DSCAML1: variants seen among roughly 807,000 people sequenced by gnomAD.
The protein encoded by DSCAML1 is cell adhesion molecule DSCAML1.
Under a neutral mutation model 200.5 loss-of-function variants are expected in DSCAML1, and 38 were observed. The observed-to-expected ratio is 0.19, with a 90% confidence interval of 0.15 to 0.25. The LOEUF is 0.25. DSCAML1 is among the 10% of genes least tolerant of loss of function. The pLI, the probability that DSCAML1 is intolerant of heterozygous loss-of-function variation, is 1.00. For missense variants in DSCAML1, 2,223 were observed against 2,858.8 expected, an observed-to-expected ratio of 0.78 and a Z score of 5.07; for synonymous variants, 1,215 against 1,165.0, an observed-to-expected ratio of 1.04 and a Z score of -0.87.
intron 3 of DSCAML1, among the ~76,000 whole-genome samples, chr11:117,656,216 C>T (rs1284844746): frequency 2.0e-5 from 3 of 152,162 alleles, no homozygotes; most frequent in Non-Finnish European, 4.4e-5. Flanking sequence ...CCAGCCTGGG[C>T]GACAGAGCAA....
intron 3 of DSCAML1, among the ~76,000 whole-genome samples, chr11:117,586,390 G>A (rs1349019776): frequency 6.6e-6 from 1 of 152,194 alleles, no homozygotes; most frequent in Non-Finnish European, 1.5e-5. Flanking sequence ...AGCCATCTTG[G>A]TGTAGGAGGA....
chr11:117,620,487 A>G (rs1191273373), intron 3 of DSCAML1, among the ~76,000 whole-genome samples: 3 of 152,182 alleles, frequency 2.0e-5, no homozygotes, highest in African/African-American at 7.2e-5. Flanking sequence ...TAGGAACGAC[A>G]CTGTGACTGA....
At chr11:117,789,657 C>T (rs1345785719) in intron 1 of DSCAML1, among the ~76,000 whole-genome samples, 2 of 152,116 alleles carry the variant, frequency 1.3e-5, no homozygotes, top group Non-Finnish European at 1.5e-5. Flanking sequence ...AGGGATGCTG[C>T]GTGTCCAGAG....
chr11:117,546,028 G>A (rs1026246767), intron 3 of DSCAML1, among the ~76,000 whole-genome samples: 10 of 152,376 alleles, frequency 6.6e-5, no homozygotes, highest in South Asian at 2.1e-4. Flanking sequence ...GAACTTGTGC[G>A]AGGCACGCAG....
At chr11:117,625,963 C>T (rs1228073455) in intron 3 of DSCAML1, among the ~76,000 whole-genome samples, 1 of 152,228 alleles carries the variant, frequency 6.6e-6, no homozygotes, top group Non-Finnish European at 1.5e-5. Context: ...TGGTCCCATG[C>T]CTGTGGGCAT....
chr11:117,761,670 A>G (rs2054805070), intron 3 of DSCAML1, among the ~76,000 whole-genome samples: 1 of 152,204 alleles, frequency 6.6e-6, no homozygotes, highest in African/African-American at 2.4e-5. Context: ...GAGGAGTTCA[A>G]GACCAGCCTG....
At chr11:117,684,439 A>C (rs1014788321) in intron 3 of DSCAML1, among the ~76,000 whole-genome samples, 3 of 147,690 alleles carry the variant, frequency 2.0e-5, no homozygotes, top group Admixed American at 6.9e-5. Flanking sequence ...ATTAACTAAA[A>C]AAAAAAAAAA....
chr11:117,561,176 A>G lies in DSCAML1; in HGVS notation c.512-28654T>C, dbSNP rs547492116. ...GAAGGCAGGCTCTCCTCTTCTCAGC[A>G]GGGCAGTGGGAGGAGGACCTGTGTC... On this transcript the variant is annotated intron_variant, in intron 3 of 32. Coordinates refer to ENST00000651296, the MANE Select transcript of DSCAML1 (RefSeq NM_020693.4). Among the ~76,000 whole-genome samples the G allele has an allele frequency of 1.8e-4, 27 of 152,308 alleles. 1 individual carries two copies. In the South Asian group the frequency reaches 5.2e-3, roughly 29 times the overall value.
rs1279545927 is a variant in DSCAML1, at chr11:117,469,906, T to C, written c.3024+4A>G. The C allele has an allele frequency of 8.1e-6, 13 of 1,603,838 alleles. No individual in the cohort carries two copies. The highest frequency in any genetic ancestry group is 1.1e-5 in the Non-Finnish European group (13 of 1,173,550). ...TCCAGGGGAGATGCCTTAGACACAC[T>C]TACCTTCCAGGTCACCTGGATGCTC... is the stretch of plus-strand genomic sequence containing the variant. On this transcript the variant is annotated splice_donor_region_variant and intron_variant, in intron 16 of 32. Transcript: ENST00000651296. This position sits in a 1 kb window ranked among gnomAD's most constrained non-coding sequence, Gnocchi z 4.1.
chr11:117,673,698 TG>T (rs1327563112), intron 3 of DSCAML1, among the ~76,000 whole-genome samples: 4 of 152,148 alleles, frequency 2.6e-5, no homozygotes, highest in African/African-American at 9.7e-5. Flanking sequence ...ACCACTGGGT[TG>T]AGGAGGTGGG....
At chr11:117,660,276 C>G (rs2052819738) in intron 3 of DSCAML1, among the ~76,000 whole-genome samples, 3 of 152,224 alleles carry the variant, frequency 2.0e-5, no homozygotes, top group Non-Finnish European at 2.9e-5. Flanking sequence ...CCAGTTCCTC[C>G]CTTTTGGGAA....
chr11:117,765,806 A>T (rs1254675093), intron 3 of DSCAML1, among the ~76,000 whole-genome samples: 1 of 152,204 alleles, frequency 6.6e-6, no homozygotes, highest in African/African-American at 2.4e-5. Context: ...GTCAGAAGGC[A>T]AGTTAGGTGC....
At chr11:117,462,161 G>T (rs1358248574) in intron 17 of DSCAML1, among the ~76,000 whole-genome samples, 1 of 152,208 alleles carries the variant, frequency 6.6e-6, no homozygotes, top group Non-Finnish European at 1.5e-5. Flanking sequence ...TGCAGGAGAG[G>T]AGTTTCTACC....
intron 3 of DSCAML1, among the ~76,000 whole-genome samples, chr11:117,654,356 CTA>C (rs2052692626): frequency 6.6e-6 from 1 of 152,152 alleles, no homozygotes; most frequent in Admixed American, 6.6e-5. Context: ...TATAAGAATT[CTA>C]TCTCAATTAA....
At chr11:117,548,933 A>G (rs956424152) in intron 3 of DSCAML1, among the ~76,000 whole-genome samples, 3 of 152,204 alleles carry the variant, frequency 2.0e-5, no homozygotes, top group Non-Finnish European at 2.9e-5. Flanking sequence ...TGCCTTGGTA[A>G]TAATGGGGTG....
chr11:117,552,517 C>T (rs946437109), intron 3 of DSCAML1, among the ~76,000 whole-genome samples: 2 of 151,992 alleles, frequency 1.3e-5, no homozygotes, highest in South Asian at 4.2e-4. Context: ...AGCTGAGCCT[C>T]CTTGGGTAAA....
chr11:117,780,005 T>C lies in DSCAML1; in HGVS notation c.364+488A>G, dbSNP rs1201019813. Among the ~76,000 whole-genome samples, 8 of 151,922 alleles carry C rather than the reference T, an allele frequency of 5.3e-5. No individual in the cohort carries two copies. The highest frequency in any genetic ancestry group is 1.2e-4 in the African/African-American group (5 of 41,414). On this transcript the variant is annotated intron_variant, in intron 2 of 32. Coordinates refer to ENST00000651296, the MANE Select transcript of DSCAML1 (RefSeq NM_020693.4). This position sits in a 1 kb window ranked among gnomAD's most constrained non-coding sequence, Gnocchi z 4.8. The stretch of plus-strand genomic sequence containing the variant: ...AAATGAGCACCAACTCATTTAACCA[T>C]CACACGTAGTGATACAGAGGTAGGT...
intron 3 of DSCAML1, among the ~76,000 whole-genome samples, chr11:117,770,868 TCAGA>T: frequency 6.6e-6 from 1 of 152,256 alleles, no homozygotes. Flanking sequence ...TGCATAGGCT[TCAGA>T]CAGACAAAGG....
At chr11:117,772,992 G>A (rs923505249) in intron 3 of DSCAML1, among the ~76,000 whole-genome samples, 2 of 152,204 alleles carry the variant, frequency 1.3e-5, no homozygotes, top group African/African-American at 4.8e-5. Context: ...TAGCACTTTG[G>A]GCTGTTTCTC....
Sources: allele counts gnomAD v4.1 joint callset (sites outside exome capture counted in the v4.1 genomes callset), GRCh38; gene constraint gnomAD v4.1.1; non-coding constraint Gnocchi (gnomAD v3.1); transcripts MANE v1.5; gene names NCBI Gene and HGNC (gene_info 2026-07-23, HGNC 2026-07-21).